ARL6IP5: variants seen among roughly 807,000 people sequenced by gnomAD.
ARL6IP5 encodes ARF like GTPase 6 interacting protein 5, also known as PRA1 family protein 3.
A neutral mutation model predicts 13.0 loss-of-function variants in ARL6IP5; 6 were observed. The observed-to-expected ratio is 0.46, with a 90% CI of 0.25 to 0.91. The LOEUF (loss-of-function observed/expected upper bound fraction) is 0.91. Ranked by LOEUF, ARL6IP5 falls within the 40% of genes least tolerant of loss-of-function variation. ARL6IP5 has a pLI of 0.17. For synonymous variants in ARL6IP5, 91 were observed against 91.9 expected (o/e 0.99, Z 0.06); for missense variants, 208 against 248.8 (o/e 0.84, Z 1.10).
intron 1 of ARL6IP5, among the ~76,000 whole-genome samples, chr3:69,085,870 C>T (rs1384935246): frequency 6.6e-6 from 1 of 152,218 alleles, no homozygotes; most frequent in Admixed American, 6.5e-5. Context: ...TCTGTCTTCG[C>T]TTCCTAGCCT....
chr3:69,086,851 T>G (rs2092250268), intron 1 of ARL6IP5, among the ~76,000 whole-genome samples: 1 of 150,120 alleles, frequency 6.7e-6, no homozygotes, highest in Non-Finnish European at 1.5e-5. Context: ...GCCTCCAGAG[T>G]AGCTGGGATT....
At chr3:69,101,254 A>T (rs749330792) in intron 1 of ARL6IP5, among the ~76,000 whole-genome samples, 5 of 151,848 alleles carry the variant, frequency 3.3e-5, no homozygotes, top group African/African-American at 4.8e-5. Context: ...TTAGTCTTCA[A>T]AATTGTGGAC....
At chr3:69,093,512 C>G (rs1411667502) in intron 1 of ARL6IP5, among the ~76,000 whole-genome samples, 1 of 152,160 alleles carries the variant, frequency 6.6e-6, no homozygotes, top group Non-Finnish European at 1.5e-5. Flanking sequence ...AAAAATAGCT[C>G]TCCACTTTGG....
chr3:69,086,259 T>C (rs1016889625), intron 1 of ARL6IP5, among the ~76,000 whole-genome samples: 3 of 152,202 alleles, frequency 2.0e-5, no homozygotes, highest in African/African-American at 7.2e-5. Flanking sequence ...TCGCAGTTAA[T>C]TGGCTTATAC....
At position 69,105,866 on chromosome 3, in the gene ARL6IP5, G is replaced by A. The variant is rs1486003108; in HGVS notation, c.*1230G>A. On this transcript the variant is annotated 3_prime_UTR_variant, in exon 3 of 3. Coordinates refer to ENST00000273258, the MANE Select transcript of ARL6IP5 (RefSeq NM_006407.4). ...TAGCATTAAATTGTGAAGACAACTGGAGTGGTACTTACTGAAGAAACTCTC... is the reference window on the plus strand; with the variant it reads ...TAGCATTAAATTGTGAAGACAACTGAAGTGGTACTTACTGAAGAAACTCTC... 1 of 152,160 alleles carries A rather than the reference G, an allele frequency of 6.6e-6. No homozygotes were observed. Among genetic ancestry groups the A allele is most frequent in the African/African-American group, 2.4e-5 (1 of 41,442 alleles). 9.4% of individuals were successfully genotyped at this position (152,160 alleles called of 1,614,324 possible).
chr3:69,103,075 T>G (rs941364134), intron 2 of ARL6IP5, among the ~76,000 whole-genome samples: 5 of 152,232 alleles, frequency 3.3e-5, no homozygotes, highest in Non-Finnish European at 7.3e-5. Flanking sequence ...TGTTTAGGGC[T>G]TTGTTAGATT....
rs2092307241 is a variant in ARL6IP5, at chr3:69,102,010, T to A, written c.348T>A (p.Phe116Leu). ...MLASYFLISM[F>L]GGVMVFVFGI... Reference sequence around the variant, plus strand: ...CGAGCTATTTCCTTATCTCCATGTTTGGAGGAGTCATGGTCTTTGTGTTTG... The same window carrying A: ...CGAGCTATTTCCTTATCTCCATGTTAGGAGGAGTCATGGTCTTTGTGTTTG... The change falls in exon 2 of 3, where the codon TTT (phenylalanine) becomes TTA (leucine). Residue 116 changes from phenylalanine to leucine, a missense_variant. Physicochemically the swap from Phe to Leu is conservative, Grantham distance 22. Transcript: ENST00000273258. 6.2e-7 allele frequency: 1 copy of A among 1,614,064 alleles called. No individual in the cohort carries two copies. The highest frequency in any genetic ancestry group is 8.5e-7 in the Non-Finnish European group (1 of 1,180,032).
Position 69,085,115 on chromosome 3 carries a change from G to C in ARL6IP5, c.68G>C (p.Arg23Pro), listed in dbSNP as rs1364618205. ...DFFPGSDRFA[R>P]PDFRDISKWN... is the part of the protein sequence containing the mutation. ...TTCCCGGGTTCCGATCGCTTTGCCCGGCCGGACTTCAGGGACATTTCCAAA... is the reference window on the plus strand; with the variant it reads ...TTCCCGGGTTCCGATCGCTTTGCCCCGCCGGACTTCAGGGACATTTCCAAA... The change falls in exon 1 of 3, where the codon CGG (arginine) becomes CCG (proline). Residue 23 changes from arginine to proline, a missense_variant. By Grantham distance (103) the Arg-to-Pro change is moderately radical (BLOSUM62 -2). Transcript: ENST00000273258. 3.1e-6 allele frequency: 5 copies of C among 1,614,084 alleles called. No homozygotes were observed. Among genetic ancestry groups the C allele is most frequent in the Non-Finnish European group, 3.4e-6 (4 of 1,180,046 alleles).
At chr3:69,092,186 T>A (rs903240284) in intron 1 of ARL6IP5, among the ~76,000 whole-genome samples, 3 of 152,222 alleles carry the variant, frequency 2.0e-5, no homozygotes, top group African/African-American at 7.2e-5. Context: ...ATCATTGATA[T>A]ATGATAGGAT....
intron 1 of ARL6IP5, among the ~76,000 whole-genome samples, chr3:69,093,698 G>A (rs2092277246): frequency 6.6e-6 from 1 of 151,180 alleles, no homozygotes; most frequent in Non-Finnish European, 1.5e-5. Flanking sequence ...GGAGTCAGAG[G>A]TTGCAGCGAG....
intron 2 of ARL6IP5, 151 bp downstream of exon 2, chr3:69,102,207 G>A (rs2092308030): frequency 1.3e-6 from 1 of 763,556 alleles, no homozygotes; most frequent in Middle Eastern, 3.8e-4. Context: ...TATCCAACTA[G>A]ACCCAGATAA....
At chr3:69,096,202 T>C (rs1385618723) in intron 1 of ARL6IP5, among the ~76,000 whole-genome samples, 2 of 152,200 alleles carry the variant, frequency 1.3e-5, no homozygotes, top group Non-Finnish European at 2.9e-5. Flanking sequence ...AGACTGTTGT[T>C]GGGCAGGTTA....
Position 69,100,477 on chromosome 3 carries a change from A to G in ARL6IP5, c.177-1362A>G, listed in dbSNP as rs2092301562. Among the ~76,000 whole-genome samples, 3 of 152,148 alleles carry G rather than the reference A, an allele frequency of 2.0e-5. No individual in the cohort carries two copies. In the South Asian group the frequency reaches 6.2e-4, roughly 32 times the overall value. The stretch of plus-strand genomic sequence containing the variant: ...TGTAAGAGAGCGATTCAGGCCAGCT[A>G]TTAGAAAAACAATGATTAGACTGGG... On this transcript the variant is annotated intron_variant, in intron 1 of 2. Transcript: ENST00000273258.
intron 1 of ARL6IP5, among the ~76,000 whole-genome samples, chr3:69,087,634 T>G (rs1401685477): frequency 1.3e-5 from 2 of 152,240 alleles, no homozygotes; most frequent in African/African-American, 4.8e-5. Context: ...GTATTGTGCC[T>G]TAGGCCACTA....
intron 1 of ARL6IP5, among the ~76,000 whole-genome samples, chr3:69,096,845 A>G (rs996804237): frequency 1.3e-5 from 2 of 151,566 alleles, no homozygotes; most frequent in Non-Finnish European, 2.9e-5. Flanking sequence ...CTTGTGATCC[A>G]CCTGCCTCAG....
chr3:69,087,913 C>T (rs745996170), intron 1 of ARL6IP5, among the ~76,000 whole-genome samples: 1 of 152,200 alleles, frequency 6.6e-6, no homozygotes, highest in Non-Finnish European at 1.5e-5. Context: ...TAAGCACAGT[C>T]AGTAGTTTTT....
chr3:69,085,612 C>A (rs998494750), intron 1 of ARL6IP5, among the ~76,000 whole-genome samples: 2 of 152,182 alleles, frequency 1.3e-5, no homozygotes, highest in Non-Finnish European at 2.9e-5. Context: ...TGTAACCCTA[C>A]CCTGGAGCTG....
intron 1 of ARL6IP5, among the ~76,000 whole-genome samples, chr3:69,097,971 C>A (rs947646432): frequency 6.6e-6 from 1 of 152,106 alleles, no homozygotes; most frequent in African/African-American, 2.4e-5. Context: ...CTGTGCCAAG[C>A]GGCGGTTGTG....
chr3:69,096,439 T>C (rs1423941619), intron 1 of ARL6IP5, among the ~76,000 whole-genome samples: 1 of 152,132 alleles, frequency 6.6e-6, no homozygotes, highest in Non-Finnish European at 1.5e-5. Flanking sequence ...TCATGAATTA[T>C]TATTTTAATA....
Sources: gnomAD v4.1 joint callset for allele counts (sites outside exome capture counted in the v4.1 genomes callset) on GRCh38, gnomAD v4.1.1 for gene constraint, MANE v1.5 for transcripts, NCBI Gene and HGNC (gene_info 2026-07-23, HGNC 2026-07-21) for gene names.